Variants in CSMD1 observed in about 807,000 individuals in gnomAD.
The protein encoded by CSMD1 is CUB and Sushi multiple domains 1, also known as CUB and sushi domain-containing protein 1.
Under a neutral mutation model 417.5 loss-of-function variants are expected in CSMD1, and 213 were observed. That is an observed-to-expected ratio of 0.51 (90% CI 0.46 to 0.57). The LOEUF (loss-of-function observed/expected upper bound fraction) is 0.57, where lower values mean the gene tolerates loss of function less well. CSMD1 is among the 20% of genes least tolerant of loss of function. The pLI is 0.00. For missense variants in CSMD1, 6,923 were observed against 4,529.7 expected (o/e 1.53, Z -15.17); for synonymous variants, 2,862 against 1,736.8 (o/e 1.65, Z -16.11).
intron 16 of CSMD1, among the ~76,000 whole-genome samples, chr8:3,397,776 G>C (rs971464982): frequency 3.3e-5 from 5 of 152,170 alleles, no homozygotes; most frequent in African/African-American, 1.2e-4. Context: ...AAGATTTCCA[G>C]GATGACGTTG....
chr8:3,419,551 C>A (rs966001184), intron 12 of CSMD1, among the ~76,000 whole-genome samples: 3 of 151,932 alleles, frequency 2.0e-5, no homozygotes, highest in Non-Finnish European at 4.4e-5. Context: ...TTCAAGTAAC[C>A]CTCAGCTAAC....
intron 12 of CSMD1, among the ~76,000 whole-genome samples, chr8:3,440,350 G>A (rs747315772): frequency 1.3e-5 from 2 of 152,118 alleles, no homozygotes; most frequent in Admixed American, 6.5e-5. Flanking sequence ...TTCAGTCTAT[G>A]AGTCCTATAC....
At chr8:4,830,146 A>G (rs1800067277) in intron 1 of CSMD1, among the ~76,000 whole-genome samples, 1 of 152,212 alleles carries the variant, frequency 6.6e-6, no homozygotes, top group African/African-American at 2.4e-5. Context: ...ATCACTCCTG[A>G]GAAATCTGAC....
intron 5 of CSMD1, among the ~76,000 whole-genome samples, chr8:3,792,918 G>C (rs1191804638): frequency 2.6e-5 from 4 of 152,240 alleles, no homozygotes; most frequent in African/African-American, 7.2e-5. Flanking sequence ...TACCGTTAGG[G>C]TCTTTTTCCT....
intron 3 of CSMD1, among the ~76,000 whole-genome samples, chr8:4,241,910 G>A (rs1802428944): frequency 6.6e-6 from 1 of 152,124 alleles, no homozygotes; most frequent in Non-Finnish European, 1.5e-5. Context: ...AGACAACATC[G>A]TGAAGCTATT....
intron 1 of CSMD1, among the ~76,000 whole-genome samples, chr8:4,761,905 A>G (rs1029267234): frequency 8.6e-6 from 1 of 116,306 alleles, no homozygotes; most frequent in African/African-American, 3.6e-5. Flanking sequence ...CTATCTATCT[A>G]TCTATCAATC....
intron 5 of CSMD1, among the ~76,000 whole-genome samples, chr8:3,774,099 A>G (rs1015440721): frequency 1.3e-5 from 2 of 152,154 alleles, no homozygotes; most frequent in East Asian, 3.8e-4. Context: ...TTGTCTAAAT[A>G]TGTCCGCAAC....
chr8:4,900,376 A>G (rs1312928615), intron 1 of CSMD1, among the ~76,000 whole-genome samples: 1 of 152,134 alleles, frequency 6.6e-6, no homozygotes, highest in Non-Finnish European at 1.5e-5. Flanking sequence ...GCAACCCTTG[A>G]CGAACCTCCT....
At chr8:4,422,674 G>C (rs571950190) in intron 2 of CSMD1, among the ~76,000 whole-genome samples, 3 of 152,008 alleles carry the variant, frequency 2.0e-5, no homozygotes, top group South Asian at 2.1e-4. Flanking sequence ...ATAGTAGTTT[G>C]TTATGGCAGC....
At chr8:4,276,719 A>G (rs536794848) in intron 3 of CSMD1, among the ~76,000 whole-genome samples, 93 of 152,314 alleles carry the variant, frequency 6.1e-4, no homozygotes, top group African/African-American at 2.2e-3. Flanking sequence ...CCCAATTTTA[A>G]TAAATAAAAG....
At chr8:4,386,103 A>G (rs2128921284) in intron 3 of CSMD1, among the ~76,000 whole-genome samples, 1 of 152,252 alleles carries the variant, frequency 6.6e-6, no homozygotes, top group East Asian at 1.9e-4. Flanking sequence ...TGTACCCAGA[A>G]TCTTGACTTT....
rs192367002 is a variant in CSMD1 at position 4,124,030 on chromosome 8, C to G, written c.416-91931G>C. Among the ~76,000 whole-genome samples, 32 of 150,598 alleles carry G rather than the reference C, an allele frequency of 2.1e-4. No homozygotes were observed. In the East Asian group the frequency reaches 5.6e-3, roughly 27 times the overall value. On this transcript the variant is annotated intron_variant, in intron 3 of 69. Transcript: ENST00000635120. Reference sequence around the variant, plus strand: ...AATGGATTATCTAACTTTTTTTTTTCTACATTGCATTCCGGAACGACATTC... The same window carrying G: ...AATGGATTATCTAACTTTTTTTTTTGTACATTGCATTCCGGAACGACATTC...
At chr8:4,020,897 T>C (rs1796755298) in intron 4 of CSMD1, among the ~76,000 whole-genome samples, 1 of 152,250 alleles carries the variant, frequency 6.6e-6, no homozygotes, top group Non-Finnish European at 1.5e-5. Flanking sequence ...TCAGCTCAAA[T>C]ATGCTTCAGC....
intron 2 of CSMD1, among the ~76,000 whole-genome samples, chr8:4,457,867 G>A (rs988378): frequency 1.3e-5 from 2 of 151,878 alleles, no homozygotes; most frequent in African/African-American, 2.4e-5. Context: ...CACCTCCCCT[G>A]GGACAGCTTG....
intron 5 of CSMD1, among the ~76,000 whole-genome samples, chr8:3,883,061 C>T (rs977990071): frequency 6.6e-6 from 1 of 152,164 alleles, no homozygotes; most frequent in African/African-American, 2.4e-5. Context: ...GAGCCACTGA[C>T]ATAAATGTGT....
intron 3 of CSMD1, among the ~76,000 whole-genome samples, chr8:4,204,031 G>T (rs1041016030): frequency 1.3e-5 from 2 of 152,166 alleles, no homozygotes; most frequent in South Asian, 2.1e-4. Flanking sequence ...AGCCCAGTGG[G>T]CAGAAGTTGC....
chr8:3,600,165 G>A (rs1320046016), intron 8 of CSMD1, among the ~76,000 whole-genome samples: 1 of 152,192 alleles, frequency 6.6e-6, no homozygotes, highest in Non-Finnish European at 1.5e-5. Flanking sequence ...TCAGCAAGCT[G>A]AAAACTGACA....
At chr8:4,893,330 G>A (rs1049798102) in intron 1 of CSMD1, among the ~76,000 whole-genome samples, 43 of 151,854 alleles carry the variant, frequency 2.8e-4, no homozygotes, top group Admixed American at 2.4e-3. Flanking sequence ...ATTATTTTAT[G>A]TTGTTTAGTA....
intron 2 of CSMD1, among the ~76,000 whole-genome samples, chr8:4,506,551 C>G (rs916745153): frequency 2.0e-5 from 3 of 152,130 alleles, no homozygotes; most frequent in Non-Finnish European, 4.4e-5. Flanking sequence ...TGGAAGGGAC[C>G]TGGGTCTCTA....
Sources: allele counts gnomAD v4.1 joint callset (sites outside exome capture counted in the v4.1 genomes callset), GRCh38; gene constraint gnomAD v4.1.1; transcripts MANE v1.5; gene names NCBI Gene and HGNC (gene_info 2026-07-23, HGNC 2026-07-21).